VWA8: variants seen among roughly 807,000 people sequenced by gnomAD.
The protein encoded by VWA8 is von Willebrand factor A domain-containing protein 8.
Under a neutral mutation model 241.5 loss-of-function variants are expected in VWA8, and 221 were observed. That is an observed-to-expected ratio of 0.91 (90% confidence interval 0.82 to 1.02). The LOEUF is 1.02. Among genes scored for constraint, VWA8 ranks in the 50% least tolerant of loss-of-function variants. VWA8 has a pLI of 0.00. For missense variants in VWA8, 2,322 were observed against 2,328.7 expected (o/e 1.00, Z 0.06); for synonymous variants, 852 against 827.1 (o/e 1.03, Z -0.52).
chr13:41,960,914 C>T lies in VWA8; in HGVS notation c.102G>A (p.Pro34=). The T allele has an allele frequency of 6.6e-7, 1 of 1,510,050 alleles. No homozygotes were observed. The highest frequency in any genetic ancestry group is 2.1e-5 in the Admixed American group (1 of 48,700). 93.5% of individuals were successfully genotyped at this position (1,510,050 alleles called of 1,614,324 possible). ...LLLRQVVQRR[P]GGDRQRPEVR... ...CCTCCGGCCGCTGCCTGTCGCCACC[C>T]GGCCTGCGCTGCACCACCTGCCGCA... The change falls in exon 1 of 45, where the codon CCG becomes CCA. Residue 34 remains proline, a synonymous_variant. Coordinates refer to ENST00000379310, the MANE Select transcript of VWA8 (RefSeq NM_015058.2).
intron 44 of VWA8, among the ~76,000 whole-genome samples, chr13:41,570,231 G>C (rs2044291383): frequency 6.6e-6 from 1 of 152,094 alleles, no homozygotes; most frequent in Non-Finnish European, 1.5e-5. Context: ...TGATTTATTA[G>C]TGGCTTAAAT....
At chr13:41,625,647 G>A (rs1312382772) in intron 37 of VWA8, among the ~76,000 whole-genome samples, 1 of 152,124 alleles carries the variant, frequency 6.6e-6, no homozygotes, top group African/African-American at 2.4e-5. Flanking sequence ...CTGTAAACTA[G>A]TTCAACCATT....
At chr13:41,647,938 A>C (rs184052508) in intron 37 of VWA8, among the ~76,000 whole-genome samples, 270 of 152,268 alleles carry the variant, frequency 1.8e-3, no homozygotes, top group Non-Finnish European at 2.1e-3. Flanking sequence ...GCAGTGAGCC[A>C]AGATCGCACC....
chr13:41,623,333 C>T (rs1593656780), intron 37 of VWA8, among the ~76,000 whole-genome samples: 1 of 152,176 alleles, frequency 6.6e-6, no homozygotes. Context: ...CATTGTTGAG[C>T]TGCTGAACCA....
At chr13:41,874,643 AAT>A (rs1165213262) in intron 9 of VWA8, among the ~76,000 whole-genome samples, 1 of 152,140 alleles carries the variant, frequency 6.6e-6, no homozygotes, top group Non-Finnish European at 1.5e-5. Flanking sequence ...AATAAAATGA[AAT>A]ATAAATCACA....
intron 42 of VWA8, 71 bp downstream of exon 42, chr13:41,587,441 T>C (rs1302175294): frequency 6.3e-7 from 1 of 1,585,790 alleles, no homozygotes; most frequent in African/African-American, 1.3e-5. Flanking sequence ...TCACTCTGGA[T>C]GGAGTTTGAA....
At chr13:41,853,356 G>C (rs1462830354) in intron 12 of VWA8, among the ~76,000 whole-genome samples, 1 of 152,134 alleles carries the variant, frequency 6.6e-6, no homozygotes, top group Non-Finnish European at 1.5e-5. Flanking sequence ...TAGTGTGCTT[G>C]TCTGGCTTTG....
intron 26 of VWA8, among the ~76,000 whole-genome samples, chr13:41,706,048 C>G: frequency 6.6e-6 from 1 of 152,024 alleles, no homozygotes; most frequent in East Asian, 1.9e-4. Flanking sequence ...TGGTTGATAC[C>G]TAGCCTAAAA....
chr13:41,587,377 G>A, intron 42 of VWA8, 135 bp downstream of exon 42: 1 of 1,123,802 alleles, frequency 8.9e-7, no homozygotes. Flanking sequence ...TAAAACAAAA[G>A]CTTCACTTTC....
chr13:41,567,663 C>CT lies in VWA8; in HGVS notation c.*533dup, dbSNP rs1373161255. 6.6e-6 allele frequency: 1 copy of CT among 152,170 alleles called. No individual in the cohort carries two copies. Among genetic ancestry groups the CT allele is most frequent in the Non-Finnish European group, 1.5e-5 (1 of 68,044 alleles). The allele number at this position is 152,170 out of a possible 1,614,324, so 9.4% of individuals were successfully genotyped here. On this transcript the variant is annotated 3_prime_UTR_variant, in exon 45 of 45. Coordinates refer to ENST00000379310, the MANE Select transcript of VWA8 (RefSeq NM_015058.2). ...TCATAAGATATTGCTGTTGGAGGGACTTTTTGGTGGGTTAAATATTATAAA... is the reference window on the plus strand; with the variant it reads ...TCATAAGATATTGCTGTTGGAGGGACTTTTTTGGTGGGTTAAATATTATAAA...
At chr13:41,620,323 T>A (rs947153343) in intron 37 of VWA8, among the ~76,000 whole-genome samples, 1 of 152,194 alleles carries the variant, frequency 6.6e-6, no homozygotes, top group African/African-American at 2.4e-5. Flanking sequence ...ATATCCCCTT[T>A]ATCATTTTTT....
At chr13:41,806,962 A>G (rs940549727) in intron 17 of VWA8, among the ~76,000 whole-genome samples, 1 of 152,142 alleles carries the variant, frequency 6.6e-6, no homozygotes, top group Non-Finnish European at 1.5e-5. Context: ...TCCAACTAAG[A>G]AAAAGGAAGA....
At chr13:41,582,325 C>T (rs115631976) in intron 42 of VWA8, among the ~76,000 whole-genome samples, 1,766 of 152,280 alleles carry the variant, frequency 0.012, 38 homozygotes, top group African/African-American at 0.04. Flanking sequence ...TAATGACCCA[C>T]GGCTCAGGAG....
rs140087705 is a variant in VWA8 at position 41,659,453 on chromosome 13, T to G, written c.4611+11493A>C. ...GTACACTGAGAACAGCATTGGTATA[T>G]GATTAGCACATGTAAGTATTGGCTA... On this transcript the variant is annotated intron_variant, in intron 37 of 44. Coordinates refer to ENST00000379310, the MANE Select transcript of VWA8 (RefSeq NM_015058.2). Among the ~76,000 whole-genome samples the G allele has an allele frequency of 1.7e-3, 256 of 152,358 alleles. 1 individual carries two copies. Among genetic ancestry groups the G allele is most frequent in the African/African-American group, 5.9e-3 (246 of 41,574 alleles).
chr13:41,829,939 T>A (rs935606688), intron 14 of VWA8, among the ~76,000 whole-genome samples: 4 of 151,970 alleles, frequency 2.6e-5, no homozygotes, highest in Non-Finnish European at 5.9e-5. Flanking sequence ...AAATAAAAAA[T>A]TTTTTTAAAA....
At chr13:41,624,363 C>A (rs897176627) in intron 37 of VWA8, among the ~76,000 whole-genome samples, 1 of 152,042 alleles carries the variant, frequency 6.6e-6, no homozygotes, top group African/African-American at 2.4e-5. Context: ...CTGGTAGAGA[C>A]ACAATGAAAA....
intron 2 of VWA8, among the ~76,000 whole-genome samples, chr13:41,923,770 C>T (rs1876681312): frequency 1.3e-5 from 2 of 152,068 alleles, no homozygotes; most frequent in Admixed American, 1.3e-4. Flanking sequence ...GCCTAGACCA[C>T]CAAGACACCT....
At chr13:41,654,902 C>T (rs1310474163) in intron 37 of VWA8, among the ~76,000 whole-genome samples, 2 of 152,078 alleles carry the variant, frequency 1.3e-5, no homozygotes, top group African/African-American at 4.8e-5. Flanking sequence ...ACCAAAGAGA[C>T]ATGTAAAGTA....
intron 42 of VWA8, among the ~76,000 whole-genome samples, chr13:41,582,057 G>A (rs1467158541): frequency 1.3e-5 from 2 of 152,222 alleles, no homozygotes; most frequent in Non-Finnish European, 2.9e-5. Context: ...AGCTTATGCT[G>A]ATTATAAGCA....
Sources: allele counts gnomAD v4.1 joint callset (sites outside exome capture counted in the v4.1 genomes callset), GRCh38; gene constraint gnomAD v4.1.1; transcripts MANE v1.5; gene names NCBI Gene and HGNC (gene_info 2026-07-23, HGNC 2026-07-21).